Variants in MALRD1 observed in about 807,000 individuals in gnomAD.
MALRD1 encodes MAM and LDL receptor class A domain containing 1.
MALRD1 carries 247 observed loss-of-function variants against 242.1 expected under a neutral mutation model. That is an observed-to-expected ratio of 1.02 (90% confidence interval 0.92 to 1.13). MALRD1 has a LOEUF of 1.13. Among genes scored for constraint, MALRD1 ranks in the 50% most tolerant of loss-of-function variants. The pLI is 0.00. For missense variants in MALRD1, 2,989 were observed against 2,533.1 expected, an observed-to-expected ratio of 1.18 and a Z score of -3.86; for synonymous variants, 995 against 866.6, an observed-to-expected ratio of 1.15 and a Z score of -2.60.
At position 19,414,682 on chromosome 10, in the gene MALRD1, G is replaced by C. The variant is rs78823632; in HGVS notation, c.4845+25073G>C. ...GTAATAGTGACTTCACGGAGTGTAG[G>C]GGAAGGGAAAGGAGGGCTTTGTGAA... is the stretch of plus-strand genomic sequence containing the variant. On this transcript the variant is annotated intron_variant, in intron 28 of 39. Transcript: ENST00000454679. 1.8e-3 allele frequency among the ~76,000 whole-genome samples: 273 copies of C among 152,230 alleles called. 10 individuals are homozygous for C. The East Asian group carries it at 0.046, about 26-fold the overall frequency.
intron 21 of MALRD1, among the ~76,000 whole-genome samples, chr10:19,299,990 C>T (rs1841873693): frequency 6.6e-6 from 1 of 151,976 alleles, no homozygotes; most frequent in Non-Finnish European, 1.5e-5. Flanking sequence ...TGCCCAGAGG[C>T]TCCTGGATTG....
In MALRD1 at chr10:19,615,878, G is replaced by C. The variant is rs1839131310; in HGVS notation, c.6092G>C (p.Arg2031Thr). Residue 2031 changes from arginine to threonine, a missense_variant, in exon 36 of 40, where the codon AGA (arginine) becomes ACA (threonine). By Grantham distance (71) the Arg-to-Thr change is moderately conservative. Transcript: ENST00000454679. The part of the protein sequence containing the change: ...SCSECPLNYC[R>T]NGGTCVVEKN... ...TTAGAATGTCCATTAAATTACTGCAGAAATGGTGGGACTTGTGTAGTGGAG... is the reference window on the plus strand; with the variant it reads ...TTAGAATGTCCATTAAATTACTGCACAAATGGTGGGACTTGTGTAGTGGAG... The C allele has an allele frequency of 1.3e-6, 2 of 1,531,642 alleles. No homozygotes were observed. Among genetic ancestry groups the C allele is most frequent in the Non-Finnish European group, 1.7e-6 (2 of 1,144,186 alleles). 94.9% of individuals were successfully genotyped at this position (1,531,642 alleles called of 1,614,324 possible). A position where few individuals can be genotyped will look rare whatever the true frequency, so the allele number is the denominator to read the frequency against.
At chr10:19,443,640 T>G (rs969066734) in intron 28 of MALRD1, among the ~76,000 whole-genome samples, 1 of 152,148 alleles carries the variant, frequency 6.6e-6, no homozygotes, top group Non-Finnish European at 1.5e-5. Flanking sequence ...TTTGAGTGAG[T>G]TTCTTAATCC....
rs117501942 is a variant in MALRD1 at position 19,704,515 on chromosome 10, G to A, written c.6314+11961G>A. Among the ~76,000 whole-genome samples, 395 of 152,260 alleles carry A rather than the reference G, an allele frequency of 2.6e-3. 9 individuals carry two copies. In the East Asian group the frequency reaches 0.052, roughly 20 times the overall value. On this transcript the variant is annotated intron_variant, in intron 38 of 39. Transcript: ENST00000454679. Reference sequence around the variant, plus strand: ...TCCAAGGGCCCCACCTCCTAATGCCGTCGCTTTAATAGGGCTTCAAGATAT... The same window carrying A: ...TCCAAGGGCCCCACCTCCTAATGCCATCGCTTTAATAGGGCTTCAAGATAT...
intron 18 of MALRD1, among the ~76,000 whole-genome samples, chr10:19,246,119 A>G (rs961401106): frequency 2.6e-5 from 4 of 152,134 alleles, no homozygotes; most frequent in Non-Finnish European, 5.9e-5. Context: ...TTGGTAGACA[A>G]CTGACTATAT....
chr10:19,654,655 A>G (rs1589364658), intron 36 of MALRD1, among the ~76,000 whole-genome samples: 1 of 152,228 alleles, frequency 6.6e-6, no homozygotes, highest in Non-Finnish European at 1.5e-5. Flanking sequence ...CAATGTTCTT[A>G]AAGTAAAAAG....
rs557444399 is a variant in MALRD1, at chr10:19,108,863, G to A, written c.694+4788G>A. ...TACTGGAGAGTTATTGTGTTTCTTT[G>A]GTCGTATCATGTTTCTTTGCTTTTC... On this transcript the variant is annotated intron_variant, in intron 5 of 39. Transcript: ENST00000454679. 3.9e-5 allele frequency among the ~76,000 whole-genome samples: 6 copies of A among 152,072 alleles called. 1 individual carries two copies. The South Asian group carries it at 1.2e-3, about 32-fold the overall frequency.
chr10:19,487,254 T>C (rs1837274180), intron 29 of MALRD1, among the ~76,000 whole-genome samples: 2 of 151,990 alleles, frequency 1.3e-5, no homozygotes, highest in Admixed American at 1.3e-4. Flanking sequence ...TTTGGCTGAA[T>C]AAAAAATATA....
chr10:19,356,822 T>C (rs1844656878), intron 26 of MALRD1, among the ~76,000 whole-genome samples: 1 of 152,050 alleles, frequency 6.6e-6, no homozygotes, highest in African/African-American at 2.4e-5. Flanking sequence ...TATAAAAATG[T>C]ACCTTGCCAG....
chr10:19,317,874 A>G (rs1242524056), intron 21 of MALRD1, among the ~76,000 whole-genome samples: 1 of 152,102 alleles, frequency 6.6e-6, no homozygotes, highest in Non-Finnish European at 1.5e-5. Flanking sequence ...ATGACTTTTA[A>G]AATGACTTGT....
intron 10 of MALRD1, among the ~76,000 whole-genome samples, chr10:19,139,819 A>G (rs1382095805): frequency 1.3e-5 from 2 of 152,208 alleles, no homozygotes; most frequent in Non-Finnish European, 2.9e-5. Context: ...CCAGCCTTAC[A>G]GAACCAAAAG....
At chr10:19,712,904 A>G (rs147571756) in intron 38 of MALRD1, among the ~76,000 whole-genome samples, 10 of 152,344 alleles carry the variant, frequency 6.6e-5, no homozygotes, top group African/African-American at 1.4e-4. Flanking sequence ...ATCCCTGTCA[A>G]TAGAACAGAG....
At chr10:19,513,720 AAG>A (rs1199675542) in intron 31 of MALRD1, among the ~76,000 whole-genome samples, 5 of 151,186 alleles carry the variant, frequency 3.3e-5, no homozygotes, top group African/African-American at 1.2e-4. Flanking sequence ...ACCTGGGTGA[AAG>A]AGCAAGACTC....
chr10:19,599,699 G>A (rs1838262415), intron 34 of MALRD1, among the ~76,000 whole-genome samples: 2 of 152,174 alleles, frequency 1.3e-5, no homozygotes, highest in South Asian at 2.1e-4. Context: ...AAAGCCATAA[G>A]GGATAGTAAG....
At chr10:19,354,739 G>T (rs907992738) in intron 26 of MALRD1, among the ~76,000 whole-genome samples, 1 of 151,956 alleles carries the variant, frequency 6.6e-6, no homozygotes, top group Non-Finnish European at 1.5e-5. Flanking sequence ...AATAACTAGA[G>T]GAATGAATTT....
At chr10:19,707,306 C>A (rs982347867) in intron 38 of MALRD1, among the ~76,000 whole-genome samples, 1 of 152,080 alleles carries the variant, frequency 6.6e-6, no homozygotes, top group Non-Finnish European at 1.5e-5. Flanking sequence ...CAATGCACAT[C>A]ACTTATGATT....
intron 36 of MALRD1, among the ~76,000 whole-genome samples, chr10:19,671,572 G>A (rs935595723): frequency 1.7e-4 from 26 of 151,956 alleles, no homozygotes; most frequent in African/African-American, 6.3e-4. Context: ...GAGCTGAGAT[G>A]GCACCACTGC....
intron 36 of MALRD1, among the ~76,000 whole-genome samples, chr10:19,688,251 A>G (rs1053827732): frequency 1.3e-5 from 2 of 152,160 alleles, no homozygotes; most frequent in Non-Finnish European, 2.9e-5. Context: ...GATTACAGGC[A>G]TGAGCCACTG....
intron 2 of MALRD1, among the ~76,000 whole-genome samples, chr10:19,084,237 A>G (rs903676436): frequency 2.0e-5 from 3 of 152,120 alleles, no homozygotes; most frequent in Non-Finnish European, 4.4e-5. Context: ...AATTTAATAA[A>G]TAGACAGAAA....
Sources: gnomAD v4.1 joint callset for allele counts (sites outside exome capture counted in the v4.1 genomes callset) on GRCh38, gnomAD v4.1.1 for gene constraint, MANE v1.5 for transcripts, NCBI Gene and HGNC (gene_info 2026-07-23, HGNC 2026-07-21) for gene names.